Variants in ARAP3 observed in about 807,000 individuals in gnomAD.
The protein encoded by ARAP3 is arf-GAP with Rho-GAP domain, ANK repeat and PH domain-containing protein 3.
ARAP3 carries 82 observed loss-of-function variants against 169.2 expected under a neutral mutation model. The ratio of observed to expected loss-of-function variants is 0.48; its 90% CI spans 0.41 to 0.58. ARAP3 has a LOEUF of 0.58. ARAP3 is among the 20% of genes least tolerant of loss of function. The pLI is 0.00. For missense variants in ARAP3, 1,764 were observed against 2,018.0 expected (o/e 0.87, Z 2.41); for synonymous variants, 791 against 800.3 (o/e 0.99, Z 0.20).
chr5:141,660,034 T>TA, intron 21 of ARAP3, 108 bp from the exon 22 acceptor site: 1 of 1,400,190 alleles, frequency 7.1e-7, no homozygotes, highest in Non-Finnish European at 9.5e-7. Context: ...AGCAGTAAGA[T>TA]AATATTGGCC....
chr5:141,679,881 C>T (rs1028838915), intron 2 of ARAP3, 59 bp from the exon 3 acceptor site: 1 of 1,610,696 alleles, frequency 6.2e-7, no homozygotes, highest in Non-Finnish European at 8.5e-7. Flanking sequence ...AGCCTTCATG[C>T]CCTGCTCCCC....
Position 141,666,449 on chromosome 5 carries a change from C to T in ARAP3, c.2547G>A (p.Val849=). 1 of 1,590,524 alleles carries T rather than the reference C, an allele frequency of 6.3e-7. No individual in the cohort carries two copies. Among genetic ancestry groups the T allele is most frequent in the Non-Finnish European group, 8.6e-7 (1 of 1,168,158 alleles). The change falls in exon 17 of 33, where the codon GTG becomes GTA. Residue 849 remains valine (V), a synonymous_variant. Coordinates refer to ENST00000239440, the MANE Select transcript of ARAP3 (RefSeq NM_022481.6). The part of the protein sequence containing the change: ...GPGPPAPEDM[V]HLRRLQEISV... Reference sequence around the variant, plus strand: ...TGATCTCCTGTAGCCGCCGCAGATGCACCATGTCCTCAGGGGCTGGGGGGC... The same window carrying T: ...TGATCTCCTGTAGCCGCCGCAGATGTACCATGTCCTCAGGGGCTGGGGGGC...
At chr5:141,654,893 C>T (rs2099909006) in intron 32 of ARAP3, among the ~76,000 whole-genome samples, 1 of 152,022 alleles carries the variant, frequency 6.6e-6, no homozygotes, top group Admixed American at 6.6e-5. Flanking sequence ...GCATGCACCA[C>T]CACACCTAGC....
intron 16 of ARAP3, 83 bp downstream of exon 16, chr5:141,669,626 T>C (rs2099911165): frequency 3.8e-6 from 5 of 1,316,690 alleles, no homozygotes; most frequent in Admixed American, 1.7e-5. Context: ...AAGAAGTGGC[T>C]GTAGGAATAA....
intron 16 of ARAP3, 192 bp from the exon 17 acceptor site, chr5:141,666,835 GA>G (rs778728849): frequency 2.2e-5 from 9 of 414,490 alleles, no homozygotes; most frequent in African/African-American, 4.1e-5. Flanking sequence ...GATGGTTGGA[GA>G]AAGACAGGAA....
chr5:141,678,922 T>G (rs1162982026), intron 4 of ARAP3, among the ~76,000 whole-genome samples: 1 of 152,270 alleles, frequency 6.6e-6, no homozygotes, highest in Non-Finnish European at 1.5e-5. Flanking sequence ...CTGTGTACGC[T>G]GATCTATCCC....
Position 141,659,911 on chromosome 5 carries a change from C to T in ARAP3, c.3135G>A (p.Ala1045=), listed in dbSNP as rs573386923. The T allele has an allele frequency of 1.3e-5, 20 of 1,568,938 alleles. No homozygotes were observed. The highest frequency in any genetic ancestry group is 4.7e-5 in the South Asian group (4 of 85,630). The change falls in exon 22 of 33, where the codon GCG becomes GCA. Residue 1045 remains alanine, a synonymous_variant. Transcript: ENST00000239440. ...IGHLYRVQKC[A]ALNQMCTRNL... is the part of the protein sequence containing the mutation. Reference sequence around the variant, plus strand: ...TCCGCGTGCACATCTGGTTTAGAGCCGCACATTTCTGCACCCTGCAGAGGG... The same window carrying T: ...TCCGCGTGCACATCTGGTTTAGAGCTGCACATTTCTGCACCCTGCAGAGGG...
chr5:141,666,678 A>G (rs1596484503), intron 16 of ARAP3, 35 bp from the exon 17 acceptor site: 17 of 1,137,262 alleles, frequency 1.5e-5, no homozygotes, highest in Non-Finnish European at 2.0e-5. Context: ...AGAAAGGGGG[A>G]TGGGGGAAGA....
At chr5:141,680,627 C>T in intron 1 of ARAP3, 124 bp from the exon 2 acceptor site, 1 of 1,389,460 alleles carries the variant, frequency 7.2e-7, no homozygotes, top group South Asian at 1.5e-5. Flanking sequence ...TGCTGAAAGG[C>T]CTGCGATCTG....
chr5:141,673,515 GT>G (rs1160814283), intron 5 of ARAP3, 45 bp from the exon 6 acceptor site: 1 of 1,613,718 alleles, frequency 6.2e-7, no homozygotes, highest in Non-Finnish European at 8.5e-7. Flanking sequence ...GTTGCATGGG[GT>G]TAGGGGGATC....
chr5:141,675,162 T>C (rs968123838), intron 4 of ARAP3, among the ~76,000 whole-genome samples: 5 of 152,212 alleles, frequency 3.3e-5, no homozygotes, highest in Non-Finnish European at 5.9e-5. Flanking sequence ...CCTTCCATGC[T>C]TCCCTGGGCT....
intron 1 of ARAP3, 173 bp from the exon 2 acceptor site, chr5:141,680,676 A>G: frequency 2.9e-6 from 3 of 1,040,270 alleles, no homozygotes; most frequent in Non-Finnish European, 4.0e-6. Flanking sequence ...ATGGCTCTCT[A>G]CTTAGGGAAG....
Position 141,673,697 on chromosome 5 carries a change from A to C in ARAP3, c.810T>G (p.Asp270Glu). ...SPTLETEETS[D>E]DLISPYASFS... ...AGCTGGCATAGGGTGAAATGAGGTC[A>C]TCACTGGTCTCCTCTGTTTCCAGGG... The change falls in exon 5 of 33, where the codon GAT (aspartate) becomes GAG (glutamate). Residue 270 changes from aspartate (D) to glutamate (E), a missense_variant. By Grantham distance (45) the Asp-to-Glu change is conservative. Around this residue, in one of 3 missense-constraint regions of ARAP3, gnomAD observed 630 missense variants for 678.7 expected, o/e 0.93. Coordinates refer to ENST00000239440, the MANE Select transcript of ARAP3 (RefSeq NM_022481.6). The C allele has an allele frequency of 1.2e-6, 2 of 1,614,208 alleles. No individual in the cohort carries two copies. The highest frequency in any genetic ancestry group is 2.2e-5 in the South Asian group (2 of 91,092).
intron 16 of ARAP3, among the ~76,000 whole-genome samples, chr5:141,667,817 A>G (rs888663131): frequency 4.0e-5 from 6 of 150,610 alleles, no homozygotes; most frequent in African/African-American, 1.2e-4. Flanking sequence ...CGAGGCAGGC[A>G]GATCACCTGA....
rs149647871 is a variant in ARAP3 at position 141,654,111 on chromosome 5, G to A, written c.4474C>T (p.Leu1492Phe). The change falls in exon 33 of 33, where the codon CTC (leucine) becomes TTC (phenylalanine). Residue 1492 changes from leucine (L) to phenylalanine (F), a missense_variant. Around this residue, in one of 3 missense-constraint regions of ARAP3, gnomAD observed 1,112 missense variants for 1,285.7 expected, o/e 0.86. Coordinates refer to ENST00000239440, the MANE Select transcript of ARAP3 (RefSeq NM_022481.6). Reference sequence around the variant, plus strand: ...GTGGTCTCTCCTTTCCTCAGGATGAGGCTGCTGAGCTCCTGGAGCAGCTGT... The same window carrying A: ...GTGGTCTCTCCTTTCCTCAGGATGAAGCTGCTGAGCTCCTGGAGCAGCTGT... The part of the protein sequence containing the change: ...EEQLLQELSS[L>F]ILRKGETTAG... 7 of 1,612,120 alleles carry A rather than the reference G, an allele frequency of 4.3e-6. No homozygotes were observed. Among genetic ancestry groups the A allele is most frequent in the African/African-American group, 4.0e-5 (3 of 74,844 alleles).
Position 141,659,835 on chromosome 5 carries a change from C to T in ARAP3, c.3211G>A (p.Glu1071Lys), listed in dbSNP as rs145892711. 3.4e-5 allele frequency: 54 copies of T among 1,610,272 alleles called. No individual in the cohort carries two copies. The highest frequency in any genetic ancestry group is 2.9e-4 in the African/African-American group (22 of 74,906). The change falls in exon 22 of 33, where the codon GAG becomes AAG. Residue 1071 changes from glutamate (E) to lysine (K), a missense_variant. Physicochemically the swap from Glu to Lys is moderately conservative, Grantham distance 56 (BLOSUM62 1). This residue lies in a region of ARAP3 where 1,112 missense variants were observed against 1,285.7 expected (regional missense o/e 0.86). Coordinates refer to ENST00000239440, the MANE Select transcript of ARAP3 (RefSeq NM_022481.6). ...TCTTGCAGCACTCGCACCTCGTGCTCCCCTCGCCCATCCGTCTGGAACACG... is the reference window on the plus strand; with the variant it reads ...TCTTGCAGCACTCGCACCTCGTGCTTCCCTCGCCCATCCGTCTGGAACACG... ...PSVFQTDGRGEHEVRVLQELI... is the reference protein window; with the variant it reads ...PSVFQTDGRGKHEVRVLQELI...
In ARAP3 at chr5:141,665,119, C is replaced by T. The variant is rs920337676; in HGVS notation, c.2637-34G>A. The T allele has an allele frequency of 2.5e-6, 4 of 1,592,012 alleles. No homozygotes were observed. The African/African-American group carries it at 5.4e-5, about 21-fold the overall frequency. On this transcript the variant is annotated intron_variant, in intron 18 of 32. Transcript: ENST00000239440. ...CCAGAGGCCTGAATCAGAGCCAGCT[C>T]CGACAGGCCCAGATGCATGGGGACC...
chr5:141,653,977 A>C lies in ARAP3; in HGVS notation c.4608T>G (p.Ser1536Arg). Residue 1536 changes from serine (S) to arginine (R), a missense_variant, in exon 33 of 33, where the codon AGT becomes AGG. By Grantham distance (110) the Ser-to-Arg change is moderately radical. Coordinates refer to ENST00000239440, the MANE Select transcript of ARAP3 (RefSeq NM_022481.6). ...ATGTGAGGGGCTGGCTGGAGGGTGG[A>C]CTGGAAGTGCATGGGGGTTGGGTGG... The part of the protein sequence containing the change: ...GFPTQPPCTS[S>R]PPSSQPLT 1 of 1,537,536 alleles carries C rather than the reference A, an allele frequency of 6.5e-7. No individual in the cohort carries two copies. Among genetic ancestry groups the C allele is most frequent in the Non-Finnish European group, 8.8e-7 (1 of 1,142,832 alleles).
chr5:141,663,881 C>G (rs1237532469), intron 19 of ARAP3, among the ~76,000 whole-genome samples: 1 of 152,028 alleles, frequency 6.6e-6, no homozygotes, highest in Non-Finnish European at 1.5e-5. Context: ...GAAAAAAACC[C>G]CAAGATAACA....
Sources: allele counts gnomAD v4.1 joint callset (sites outside exome capture counted in the v4.1 genomes callset), GRCh38; gene constraint gnomAD v4.1.1; regional missense constraint gnomAD v4.1.1; transcripts MANE v1.5; gene names NCBI Gene and HGNC (gene_info 2026-07-23, HGNC 2026-07-21).